Variants in MIS18A observed in about 807,000 individuals in gnomAD.
The protein encoded by MIS18A is MIS18 kinetochore protein A.
A neutral mutation model predicts 25.0 loss-of-function variants in MIS18A; 14 were observed. That is an observed-to-expected ratio of 0.56 (90% CI 0.37 to 0.88). MIS18A has a LOEUF of 0.88. MIS18A is among the 40% of genes least tolerant of loss of function. MIS18A has a pLI of 0.00. For synonymous variants in MIS18A, 134 were observed against 118.6 expected, an observed-to-expected ratio of 1.13 and a Z score of -0.84; for missense variants, 292 against 290.8, an observed-to-expected ratio of 1.00 and a Z score of -0.03.
chr21:32,233,554 T>C, the MIS18A span, among the ~76,000 whole-genome samples: 1 of 152,220 alleles, frequency 6.6e-6, no homozygotes, highest in African/African-American at 2.4e-5. Flanking sequence ...GCTTTGATTC[T>C]GGTCAGAATT....
At chr21:32,207,490 G>GTA in the MIS18A span, among the ~76,000 whole-genome samples, 1 of 152,144 alleles carries the variant, frequency 6.6e-6, no homozygotes, top group African/African-American at 2.4e-5. Context: ...TGCACCTCAG[G>GTA]TACTGCAGTC....
the MIS18A span, among the ~76,000 whole-genome samples, chr21:32,171,747 C>A: frequency 6.6e-6 from 1 of 152,140 alleles, no homozygotes; most frequent in African/African-American, 2.4e-5. Context: ...TGTCATACAT[C>A]CAGTCCACAA....
the MIS18A span, among the ~76,000 whole-genome samples, chr21:32,163,501 G>C: frequency 2.8e-4 from 43 of 152,178 alleles, no homozygotes; most frequent in Non-Finnish European, 5.0e-4. Flanking sequence ...CCAGGCCAAG[G>C]TTATGACCTT....
chr21:32,163,691 G>A, the MIS18A span, among the ~76,000 whole-genome samples: 16 of 152,108 alleles, frequency 1.1e-4, no homozygotes, highest in Non-Finnish European at 1.8e-4. Context: ...GAGAAGCTAC[G>A]TCTATTGCTT....
chr21:32,222,862 C>T, the MIS18A span, among the ~76,000 whole-genome samples: 2 of 145,486 alleles, frequency 1.4e-5, no homozygotes, highest in Non-Finnish European at 1.5e-5. Flanking sequence ...ACCTGGCAGG[C>T]GGAGCTTGCT....
the MIS18A span, among the ~76,000 whole-genome samples, chr21:32,238,546 T>C: frequency 1.3e-5 from 2 of 152,214 alleles, no homozygotes; most frequent in African/African-American, 4.8e-5. Context: ...TGCTAGACGA[T>C]GCACAGGGAC....
chr21:32,216,159 C>A, the MIS18A span, among the ~76,000 whole-genome samples: 2 of 152,156 alleles, frequency 1.3e-5, no homozygotes, highest in African/African-American at 2.4e-5. Flanking sequence ...TATTCAGTAA[C>A]AATGGCTGAA....
the MIS18A span, among the ~76,000 whole-genome samples, chr21:32,211,304 G>T: frequency 6.6e-6 from 1 of 152,236 alleles, no homozygotes; most frequent in Non-Finnish European, 1.5e-5. Context: ...GCCTCCCAAA[G>T]TTCTGGGATT....
intron 1 of MIS18A, among the ~76,000 whole-genome samples, chr21:32,276,036 A>G (rs963194813): frequency 6.6e-6 from 1 of 151,948 alleles, no homozygotes; most frequent in South Asian, 2.1e-4. Context: ...ACAGACTACA[A>G]CGCCTTGCAG....
At chr21:32,176,245 T>C in the MIS18A span, among the ~76,000 whole-genome samples, 1 of 152,216 alleles carries the variant, frequency 6.6e-6, no homozygotes, top group Non-Finnish European at 1.5e-5. Context: ...CTATACGTAA[T>C]TGTATGTGCT....
the MIS18A span, among the ~76,000 whole-genome samples, chr21:32,154,936 G>A: frequency 6.6e-6 from 1 of 152,122 alleles, no homozygotes; most frequent in African/African-American, 2.4e-5. Flanking sequence ...TTGCAAGACT[G>A]ACTTATTTTT....
intron 1 of MIS18A, among the ~76,000 whole-genome samples, chr21:32,276,111 T>C (rs2031803757): frequency 6.6e-6 from 1 of 152,200 alleles, no homozygotes; most frequent in Non-Finnish European, 1.5e-5. Flanking sequence ...TCAAGGCTTT[T>C]GCACCAGCTG....
chr21:32,170,638 T>C, the MIS18A span, among the ~76,000 whole-genome samples: 1 of 152,058 alleles, frequency 6.6e-6, no homozygotes, highest in Non-Finnish European at 1.5e-5. Context: ...CATAGACTTG[T>C]AGGACAACAT....
the MIS18A span, among the ~76,000 whole-genome samples, chr21:32,167,669 T>C: frequency 6.6e-6 from 1 of 152,176 alleles, no homozygotes; most frequent in Non-Finnish European, 1.5e-5. Context: ...ATTGTAACAA[T>C]ATATGCAGAA....
chr21:32,242,726 G>C, the MIS18A span, among the ~76,000 whole-genome samples: 1 of 152,198 alleles, frequency 6.6e-6, no homozygotes, highest in Non-Finnish European at 1.5e-5. Flanking sequence ...TTATCAAAAA[G>C]AATGTCCCTA....
the MIS18A span, among the ~76,000 whole-genome samples, chr21:32,183,418 A>G: frequency 6.6e-6 from 1 of 152,270 alleles, no homozygotes; most frequent in East Asian, 1.9e-4. Context: ...TCCCAAAACC[A>G]TAATGGATTT....
the MIS18A span, among the ~76,000 whole-genome samples, chr21:32,231,710 G>A: frequency 2.6e-5 from 4 of 152,108 alleles, no homozygotes; most frequent in Non-Finnish European, 4.4e-5. Context: ...TCAGGAGAGC[G>A]AGACCATCCT....
chr21:32,210,086 C>T, the MIS18A span, among the ~76,000 whole-genome samples: 1 of 152,202 alleles, frequency 6.6e-6, no homozygotes, highest in African/African-American at 2.4e-5. Flanking sequence ...GACAGTGATG[C>T]TTTCCCCAAA....
chr21:32,161,648 C>A, the MIS18A span, among the ~76,000 whole-genome samples: 8 of 150,160 alleles, frequency 5.3e-5, no homozygotes, highest in African/African-American at 1.5e-4. Context: ...CCTGCCACCA[C>A]ACCCGGCTAA....
Sources: allele counts gnomAD v4.1 joint callset (sites outside exome capture counted in the v4.1 genomes callset), GRCh38; gene constraint gnomAD v4.1.1; transcripts MANE v1.5; gene names NCBI Gene and HGNC (gene_info 2026-07-23, HGNC 2026-07-21).